Variants in ZNG1F observed in about 807,000 individuals in gnomAD.
The protein encoded by ZNG1F is zinc-regulated GTPase metalloprotein activator 1F.
the ZNG1F span, among the ~76,000 whole-genome samples, chr9:41,154,954 C>T: frequency 3.3e-5 from 5 of 149,460 alleles, no homozygotes; most frequent in South Asian, 6.5e-4. Flanking sequence ...GCAAGGACTT[C>T]ATGTCTAAAA....
At chr9:41,148,053 G>GA in the ZNG1F span, among the ~76,000 whole-genome samples, 3 of 144,628 alleles carry the variant, frequency 2.1e-5, no homozygotes, top group East Asian at 2.1e-4. Context: ...ACTAAGATGG[G>GA]AAAAAAAGAC....
the ZNG1F span, among the ~76,000 whole-genome samples, chr9:41,149,763 G>A: frequency 3.3e-5 from 5 of 151,012 alleles, no homozygotes; most frequent in South Asian, 4.2e-4. Context: ...ACATCCTCAT[G>A]CCTATAGTTA....
At chr9:41,166,430 A>AT in the ZNG1F span, among the ~76,000 whole-genome samples, 1 of 39,884 alleles carries the variant, frequency 2.5e-5, no homozygotes, top group East Asian at 5.3e-4. Context: ...AATAATAATA[A>AT]TAATTATTAT....
chr9:41,183,652 G>T, the ZNG1F span: 58 of 1,604,798 alleles, frequency 3.6e-5, 4 homozygotes, highest in East Asian at 1.3e-3. Context: ...GATTTCTCCA[G>T]CGCACTTCCT....
chr9:41,190,587 CAATT>C, the ZNG1F span, among the ~76,000 whole-genome samples: 5 of 55,340 alleles, frequency 9.0e-5, no homozygotes, highest in African/African-American at 2.8e-4. Context: ...TTTCACCAAT[CAATT>C]GAGTACAAAA....
chr9:41,187,843 G>GA, the ZNG1F span, among the ~76,000 whole-genome samples: 4 of 61,780 alleles, frequency 6.5e-5, no homozygotes, highest in Non-Finnish European at 1.3e-4. Context: ...GAAGCAGGTG[G>GA]AAAAATCAGA....
At chr9:41,164,993 T>C in the ZNG1F span, 11 of 1,586,704 alleles carry the variant, frequency 6.9e-6, no homozygotes, top group South Asian at 1.2e-4. Context: ...ACACACATCA[T>C]TTTGTACCTA....
the ZNG1F span, among the ~76,000 whole-genome samples, chr9:41,146,310 A>C: frequency 7.2e-5 from 4 of 55,480 alleles, no homozygotes; most frequent in Non-Finnish European, 1.5e-4. Flanking sequence ...GAATGAGATT[A>C]CTTTAGAAAA....
At chr9:41,138,066 G>A in the ZNG1F span, among the ~76,000 whole-genome samples, 1 of 139,496 alleles carries the variant, frequency 7.2e-6, no homozygotes, top group Non-Finnish European at 1.5e-5. Flanking sequence ...TTTTCTAATT[G>A]TATTTTTGTT....
At chr9:41,204,991 C>T in the ZNG1F span, among the ~76,000 whole-genome samples, 4 of 150,222 alleles carry the variant, frequency 2.7e-5, no homozygotes, top group Non-Finnish European at 4.4e-5. Context: ...ATCTCCTTTT[C>T]GTATGTTCAG....
chr9:41,185,110 C>T, the ZNG1F span, among the ~76,000 whole-genome samples: 169 of 144,096 alleles, frequency 1.2e-3, 7 homozygotes, highest in African/African-American at 4.1e-3. Context: ...AGAAAAACTC[C>T]TATAAAGATA....
the ZNG1F span, among the ~76,000 whole-genome samples, chr9:41,162,631 AT>A: frequency 3.9e-5 from 1 of 25,760 alleles, no homozygotes; most frequent in African/African-American, 6.4e-5. Flanking sequence ...CAACTGTCAG[AT>A]TAAGGGATAC....
chr9:41,155,375 G>A, the ZNG1F span, among the ~76,000 whole-genome samples: 1 of 148,112 alleles, frequency 6.8e-6, no homozygotes, highest in Non-Finnish European at 1.5e-5. Flanking sequence ...GAGAGGATGT[G>A]GAGAAATAGG....
chr9:41,199,836 G>T, the ZNG1F span, among the ~76,000 whole-genome samples: 2 of 151,782 alleles, frequency 1.3e-5, no homozygotes, highest in Non-Finnish European at 2.9e-5. Context: ...CCATGTGGAA[G>T]CTGCCAAGGC....
At chr9:41,133,538 CTTGT>C in the ZNG1F span, 1 of 1,440,120 alleles carries the variant, frequency 6.9e-7, no homozygotes, top group African/African-American at 1.8e-5. Context: ...AGTGATTGTC[CTTGT>C]TTCTCACATT....
At chr9:41,183,724 A>T in the ZNG1F span, 1 of 1,603,976 alleles carries the variant, frequency 6.2e-7, no homozygotes, top group Non-Finnish European at 8.5e-7. Context: ...GCCAACAAAA[A>T]ACAAAGATGA....
the ZNG1F span, among the ~76,000 whole-genome samples, chr9:41,175,218 C>T: frequency 6.8e-6 from 1 of 147,758 alleles, no homozygotes; most frequent in Non-Finnish European, 1.5e-5. Context: ...AATGAAATAA[C>T]GGTCAGCTGT....
At chr9:41,150,270 T>C in the ZNG1F span, among the ~76,000 whole-genome samples, 2 of 149,812 alleles carry the variant, frequency 1.3e-5, no homozygotes, top group East Asian at 3.9e-4. Flanking sequence ...CTGACGGGCT[T>C]AAAAAACCGC....
At chr9:41,174,477 A>T in the ZNG1F span, 2 of 1,145,196 alleles carry the variant, frequency 1.7e-6, no homozygotes, top group Non-Finnish European at 2.4e-6. Context: ...TATGGAAATT[A>T]TAGTGATAGA....
Sources: allele counts gnomAD v4.1 joint callset (sites outside exome capture counted in the v4.1 genomes callset), GRCh38; gene constraint gnomAD v4.1.1; transcripts MANE v1.5; gene names NCBI Gene and HGNC (gene_info 2026-07-23, HGNC 2026-07-21).